IFT43: variants seen among roughly 807,000 people sequenced by gnomAD.
IFT43 encodes the protein intraflagellar transport protein 43 homolog.
A neutral mutation model predicts 32.3 loss-of-function variants in IFT43; 33 were observed. The ratio of observed to expected loss-of-function variants is 1.02; its 90% CI spans 0.77 to 1.37. IFT43 has a LOEUF of 1.37. IFT43 is among the 40% of genes most tolerant of loss of function. The pLI is 0.00. For missense variants in IFT43, 274 were observed against 265.9 expected (o/e 1.03, Z -0.21); for synonymous variants, 93 against 98.2 (o/e 0.95, Z 0.31).
chr14:75,997,012 A>C (rs1333659394), intron 2 of IFT43, among the ~76,000 whole-genome samples: 1 of 152,224 alleles, frequency 6.6e-6, no homozygotes, highest in Non-Finnish European at 1.5e-5. Context: ...AAGATATGAG[A>C]GTAAACACGT....
intron 3 of IFT43, among the ~76,000 whole-genome samples, chr14:76,043,272 TGAGTA>T (rs772669604): frequency 6.6e-6 from 1 of 152,172 alleles, no homozygotes; most frequent in Non-Finnish European, 1.5e-5. Flanking sequence ...CGGGGCCAGG[TGAGTA>T]GAGGCATGAA....
intron 1 of IFT43, among the ~76,000 whole-genome samples, chr14:75,987,413 T>G (rs1356631803): frequency 6.6e-6 from 1 of 152,212 alleles, no homozygotes; most frequent in Non-Finnish European, 1.5e-5. Flanking sequence ...CCTCTCAGTT[T>G]AGTGGGGCAG....
intron 2 of IFT43, among the ~76,000 whole-genome samples, chr14:75,993,004 T>C (rs969587326): frequency 2.0e-5 from 3 of 152,174 alleles, no homozygotes; most frequent in Non-Finnish European, 4.4e-5. Context: ...TTCCTATTAT[T>C]CCTGTTTTGG....
At chr14:76,074,701 A>T (rs146585357) in intron 5 of IFT43, among the ~76,000 whole-genome samples, 7 of 152,200 alleles carry the variant, frequency 4.6e-5, no homozygotes, top group Admixed American at 6.5e-5. Flanking sequence ...CTTCAGAAAC[A>T]TGCTAACATC....
At chr14:76,057,942 C>T (rs2037052819) in intron 3 of IFT43, among the ~76,000 whole-genome samples, 1 of 152,102 alleles carries the variant, frequency 6.6e-6, no homozygotes, top group Admixed American at 6.5e-5. Flanking sequence ...TGAGTAGTGA[C>T]CCACTTAGAT....
At chr14:76,016,531 C>A (rs565272454) in intron 2 of IFT43, among the ~76,000 whole-genome samples, 1 of 152,124 alleles carries the variant, frequency 6.6e-6, no homozygotes, top group Non-Finnish European at 1.5e-5. Context: ...GTTGCATTGG[C>A]TATTCAGGCC....
At chr14:76,007,591 G>A (rs1594812163) in intron 2 of IFT43, among the ~76,000 whole-genome samples, 1 of 152,126 alleles carries the variant, frequency 6.6e-6, no homozygotes, top group South Asian at 2.1e-4. Flanking sequence ...GTGCCAGGAG[G>A]GGTTGCTTCT....
chr14:75,995,282 C>T (rs2035722575), intron 2 of IFT43, among the ~76,000 whole-genome samples: 1 of 152,156 alleles, frequency 6.6e-6, no homozygotes, highest in African/African-American at 2.4e-5. Flanking sequence ...GCACAGACCT[C>T]CCAGTAGAGA....
At chr14:76,058,583 A>G (rs994175427) in intron 3 of IFT43, 59 bp from the exon 4 acceptor site, 4 of 1,604,280 alleles carry the variant, frequency 2.5e-6, no homozygotes, top group African/African-American at 2.7e-5. Context: ...TCAAGATACT[A>G]CCTGGTGCAT....
chr14:76,033,981 T>C (rs953076130), intron 3 of IFT43, among the ~76,000 whole-genome samples: 4 of 152,202 alleles, frequency 2.6e-5, no homozygotes, highest in Non-Finnish European at 5.9e-5. Flanking sequence ...AACAGGATCA[T>C]GAAGAAGGCA....
At chr14:76,020,219 C>T (rs1438794150) in intron 2 of IFT43, among the ~76,000 whole-genome samples, 5 of 152,156 alleles carry the variant, frequency 3.3e-5, no homozygotes, top group Admixed American at 2.0e-4. Flanking sequence ...GTGATCTGCC[C>T]GTCTTGGCCT....
intron 2 of IFT43, among the ~76,000 whole-genome samples, chr14:76,001,320 GTC>G (rs1438504484): frequency 6.6e-6 from 1 of 152,218 alleles, no homozygotes; most frequent in Admixed American, 6.5e-5. Context: ...AGTTACTGGA[GTC>G]TTTGATGTTC....
intron 5 of IFT43, among the ~76,000 whole-genome samples, chr14:76,064,295 A>T (rs72725692): frequency 0.13 from 19,810 of 152,182 alleles, 1,686 homozygotes; most frequent in Non-Finnish European, 0.19. Context: ...GATGTCTTTT[A>T]CCAGTGCTAA....
At chr14:76,078,284 C>G (rs186625744) in intron 5 of IFT43, among the ~76,000 whole-genome samples, 5 of 152,322 alleles carry the variant, frequency 3.3e-5, no homozygotes, top group African/African-American at 1.2e-4. Context: ...GAATTTATTA[C>G]TACCTATAAT....
At chr14:76,003,584 A>T (rs753437966) in intron 2 of IFT43, among the ~76,000 whole-genome samples, 1 of 151,242 alleles carries the variant, frequency 6.6e-6, no homozygotes, top group Non-Finnish European at 1.5e-5. Flanking sequence ...GTGAGCCAAG[A>T]TCGTGCCACT....
At chr14:76,083,917 G>T (rs1446981859), downstream of IFT43, 1 of 483,026 alleles carries the variant, frequency 2.1e-6, no homozygotes, top group Non-Finnish European at 4.1e-6. Context: ...TTCACTTCTC[G>T]GGAGGTTTCA....
In IFT43 at chr14:76,009,198, G is replaced by A. The variant is rs569055571; in HGVS notation, c.148-13129G>A. Among the ~76,000 whole-genome samples the A allele has an allele frequency of 2.2e-3, 337 of 152,266 alleles. 2 individuals are homozygous for A. Among genetic ancestry groups the A allele is most frequent in the Non-Finnish European group, 2.4e-3 (162 of 68,020 alleles). ...GCAATCATGTATCATCTGCTTCATT[G>A]CAAAGCTCAGGTATCAGACACACCT... is the stretch of plus-strand genomic sequence containing the variant. On this transcript the variant is annotated intron_variant, in intron 2 of 8. Coordinates refer to ENST00000314067, the MANE Select transcript of IFT43 (RefSeq NM_001102564.3).
chr14:76,035,434 T>G (rs2036581019), intron 3 of IFT43, among the ~76,000 whole-genome samples: 1 of 152,278 alleles, frequency 6.6e-6, no homozygotes, highest in African/African-American at 2.4e-5. Flanking sequence ...GTTATCCCCC[T>G]TCCCTCCTCC....
chr14:76,043,894 T>G (rs1047328879), intron 3 of IFT43, among the ~76,000 whole-genome samples: 26 of 152,188 alleles, frequency 1.7e-4, no homozygotes, highest in African/African-American at 6.0e-4. Flanking sequence ...CTGGGTTGTT[T>G]TACCTGTGCT....
Sources: gnomAD v4.1 joint callset for allele counts (sites outside exome capture counted in the v4.1 genomes callset) on GRCh38, gnomAD v4.1.1 for gene constraint, MANE v1.5 for transcripts, NCBI Gene and HGNC (gene_info 2026-07-23, HGNC 2026-07-21) for gene names.